The following DOCK3 variants were observed in gnomAD, a reference collection of about 807,000 sequenced individuals.
DOCK3 encodes dedicator of cytokinesis 3.
Under a neutral mutation model 265.6 loss-of-function variants are expected in DOCK3, and 60 were observed. That is an observed-to-expected ratio of 0.23 (90% CI 0.18 to 0.28). DOCK3 has a LOEUF of 0.28. DOCK3 is among the 10% of genes least tolerant of loss of function. DOCK3 has a pLI of 1.00. For synonymous variants in DOCK3, 881 were observed against 938.0 expected (o/e 0.94, Z 1.11); for missense variants, 1,981 against 2,594.3 (o/e 0.76, Z 5.14).
chr3:51,320,889 G>A (rs1360701782), intron 32 of DOCK3, among the ~76,000 whole-genome samples: 1 of 152,240 alleles, frequency 6.6e-6, no homozygotes, highest in Non-Finnish European at 1.5e-5. Context: ...AGGGGCAGCT[G>A]TGGGCACAAC....
intron 18 of DOCK3, 150 bp downstream of exon 18, chr3:51,228,982 G>C (rs1257496634): frequency 1.9e-6 from 2 of 1,026,592 alleles, no homozygotes; most frequent in Non-Finnish European, 2.8e-6. Flanking sequence ...CGATCACTCA[G>C]CAATAGCAGC....
At chr3:50,737,157 A>G (rs1443194636) in intron 1 of DOCK3, among the ~76,000 whole-genome samples, 1 of 152,050 alleles carries the variant, frequency 6.6e-6, no homozygotes, top group Non-Finnish European at 1.5e-5. Flanking sequence ...TAGGTTACCT[A>G]TTCACTCTGA....
chr3:50,912,507 C>T (rs998284376), intron 4 of DOCK3, among the ~76,000 whole-genome samples: 4 of 152,130 alleles, frequency 2.6e-5, no homozygotes, highest in African/African-American at 7.3e-5. Context: ...GCCAGCCAGG[C>T]CTGTGTCCTT....
At chr3:50,920,599 C>T (rs936272749) in intron 4 of DOCK3, among the ~76,000 whole-genome samples, 3 of 152,136 alleles carry the variant, frequency 2.0e-5, no homozygotes, top group African/African-American at 4.8e-5. Context: ...GTGTTATCCC[C>T]TTTATCATTT....
intron 3 of DOCK3, among the ~76,000 whole-genome samples, chr3:50,887,049 C>T (rs987925024): frequency 6.6e-6 from 1 of 151,936 alleles, no homozygotes; most frequent in African/African-American, 2.4e-5. Context: ...ACAAAAAACC[C>T]TTCAAAAAAT....
intron 5 of DOCK3, among the ~76,000 whole-genome samples, chr3:50,989,678 G>A (rs2078037375): frequency 6.6e-6 from 1 of 152,178 alleles, no homozygotes; most frequent in African/African-American, 2.4e-5. Flanking sequence ...AGTAGTTAAA[G>A]GAACACCCAC....
At chr3:50,697,775 C>G (rs895287409) in intron 1 of DOCK3, among the ~76,000 whole-genome samples, 1 of 152,026 alleles carries the variant, frequency 6.6e-6, no homozygotes, top group Admixed American at 6.6e-5. Context: ...TCAAATTATT[C>G]TAATGCTTTT....
intron 4 of DOCK3, among the ~76,000 whole-genome samples, chr3:50,932,534 T>G (rs12488948): frequency 0.089 from 13,520 of 152,246 alleles, 1,232 homozygotes; most frequent in East Asian, 0.33. Flanking sequence ...TATTATCAAG[T>G]TAGTCCCCGT....
chr3:51,262,801 A>G (rs571170191), intron 23 of DOCK3, among the ~76,000 whole-genome samples: 3 of 152,224 alleles, frequency 2.0e-5, no homozygotes, highest in African/African-American at 7.2e-5. Context: ...AAACTGATCA[A>G]GTGGAAGAAA....
intron 5 of DOCK3, among the ~76,000 whole-genome samples, chr3:50,974,160 A>G (rs1462750348): frequency 6.6e-6 from 1 of 151,684 alleles, no homozygotes; most frequent in African/African-American, 2.4e-5. Flanking sequence ...CCCATTTGTC[A>G]ATTTTGTCTT....
chr3:51,349,015 C>G (rs2085787305), intron 39 of DOCK3, 77 bp downstream of exon 39: 1 of 1,346,724 alleles, frequency 7.4e-7, no homozygotes, highest in South Asian at 1.3e-5. Context: ...GGGCCCAGCC[C>G]TTAGTTTAGT....
intron 1 of DOCK3, among the ~76,000 whole-genome samples, chr3:50,774,321 T>C (rs1239955477): frequency 6.6e-6 from 1 of 151,960 alleles, no homozygotes; most frequent in African/African-American, 2.4e-5. Context: ...AGAATATATA[T>C]TTTTACACTA....
chr3:51,193,432 T>C (rs1351715338), intron 12 of DOCK3, among the ~76,000 whole-genome samples: 1 of 152,182 alleles, frequency 6.6e-6, no homozygotes, highest in South Asian at 2.1e-4. Flanking sequence ...GATGATCTTG[T>C]AGGATGAATT....
At chr3:51,257,349 A>G (rs1000305329) in intron 22 of DOCK3, among the ~76,000 whole-genome samples, 1 of 152,244 alleles carries the variant, frequency 6.6e-6, no homozygotes, top group Non-Finnish European at 1.5e-5. Flanking sequence ...GCTATGAACC[A>G]GGAAACTTCT....
chr3:50,863,488 TC>T, intron 3 of DOCK3: 1 of 516,552 alleles, frequency 1.9e-6, no homozygotes, highest in Non-Finnish European at 3.9e-6. Context: ...AGAGAAGTAC[TC>T]CCACCTACCC....
At chr3:51,337,954 C>T (rs1204221263) in intron 35 of DOCK3, among the ~76,000 whole-genome samples, 1 of 152,200 alleles carries the variant, frequency 6.6e-6, no homozygotes, top group East Asian at 1.9e-4. Context: ...AGTGGAGGGT[C>T]TTGGCTTCTA....
At chr3:51,299,434 G>A (rs1212198941) in intron 27 of DOCK3, among the ~76,000 whole-genome samples, 1 of 152,054 alleles carries the variant, frequency 6.6e-6, no homozygotes, top group East Asian at 1.9e-4. Flanking sequence ...GATCCCATTT[G>A]TCAATTTCTG....
chr3:51,343,353 A>G (rs542112866), intron 38 of DOCK3, among the ~76,000 whole-genome samples: 1 of 152,270 alleles, frequency 6.6e-6, no homozygotes, highest in South Asian at 2.1e-4. Flanking sequence ...TGATGGCCCC[A>G]TGTAGGGCTA....
At chr3:51,380,998 G>A in intron 52 of DOCK3, 52 bp from the exon 53 acceptor site, 1 of 1,529,490 alleles carries the variant, frequency 6.5e-7, no homozygotes, top group Non-Finnish European at 8.8e-7. Flanking sequence ...TGGCGGGCAA[G>A]TCAGCCTGTC....
Sources: gnomAD v4.1 joint callset for allele counts (sites outside exome capture counted in the v4.1 genomes callset) on GRCh38, gnomAD v4.1.1 for gene constraint, MANE v1.5 for transcripts, NCBI Gene and HGNC (gene_info 2026-07-23, HGNC 2026-07-21) for gene names.